The following GABRA3 variants were observed in gnomAD, a reference collection of about 807,000 sequenced individuals.
GABRA3 encodes the protein gamma-aminobutyric acid receptor subunit alpha-3.
A neutral mutation model predicts 30.1 loss-of-function variants in GABRA3; 10 were observed. The observed-to-expected ratio is 0.33, with a 90% confidence interval of 0.20 to 0.56. The LOEUF (loss-of-function observed/expected upper bound fraction) is 0.56, where lower values mean the gene tolerates loss of function less well. Among genes scored for constraint, GABRA3 ranks in the 20% least tolerant of loss-of-function variants. The probability of loss-of-function intolerance (pLI) is 0.89; values close to 1 mark genes in which losing one functional copy is unlikely to be tolerated. For synonymous variants in GABRA3, 151 were observed against 146.8 expected, an observed-to-expected ratio of 1.03 and a Z score of -0.21; for missense variants, 233 against 392.0, an observed-to-expected ratio of 0.59 and a Z score of 3.42.
intron 4 of GABRA3, among the ~76,000 whole-genome samples, chrX:152,276,651 C>G (rs1483072477): frequency 1.8e-5 from 2 of 111,499 alleles, no homozygotes; most frequent in Admixed American, 9.6e-5. Context: ...AATGTATGAC[C>G]ACATATTCAT....
intron 1 of GABRA3, among the ~76,000 whole-genome samples, chrX:152,435,451 T>C (rs963282304): frequency 9.0e-6 from 1 of 110,698 alleles, no homozygotes; most frequent in East Asian, 2.9e-4. Context: ...TGCAGGGACA[T>C]GGATGAAGCT....
At chrX:152,327,891 C>CA (rs1940091121) in intron 3 of GABRA3, among the ~76,000 whole-genome samples, 1 of 110,944 alleles carries the variant, frequency 9.0e-6, no homozygotes, top group Non-Finnish European at 1.9e-5. Flanking sequence ...AAAAACACTT[C>CA]AAAAAATCAA....
intron 4 of GABRA3, among the ~76,000 whole-genome samples, chrX:152,278,937 G>A (rs1194186496): frequency 1.8e-5 from 2 of 111,463 alleles, no homozygotes; most frequent in African/African-American, 6.5e-5. Flanking sequence ...CATATCCTTC[G>A]CCCACTTGTT....
chrX:152,333,653 C>T (rs1474335635), intron 3 of GABRA3, among the ~76,000 whole-genome samples: 3 of 111,383 alleles, frequency 2.7e-5, no homozygotes, highest in Non-Finnish European at 5.7e-5. Context: ...TATTGAAGAA[C>T]AAATTCTCAA....
At chrX:152,249,554 C>T (rs1191014869) in intron 5 of GABRA3, among the ~76,000 whole-genome samples, 4 of 110,833 alleles carry the variant, frequency 3.6e-5, no homozygotes, top group African/African-American at 1.3e-4. Context: ...CTCTAATCTG[C>T]CTCCTACACT....
At chrX:152,210,850 G>T (rs1197260968) in intron 6 of GABRA3, among the ~76,000 whole-genome samples, 2 of 110,933 alleles carry the variant, frequency 1.8e-5, no homozygotes, top group Non-Finnish European at 3.8e-5. Flanking sequence ...AGCTTGATTT[G>T]TGGACCTTTA....
intron 5 of GABRA3, among the ~76,000 whole-genome samples, chrX:152,250,197 C>T (rs935541444): frequency 6.3e-5 from 7 of 111,071 alleles, no homozygotes; most frequent in South Asian, 3.8e-4. Context: ...ACTTCTCCTG[C>T]GATTCTATCA....
chrX:152,238,124 T>C (rs1393215061), intron 5 of GABRA3, among the ~76,000 whole-genome samples: 33 of 107,406 alleles, frequency 3.1e-4, no homozygotes, highest in Non-Finnish European at 3.8e-5. Context: ...ATATTGGCTG[T>C]GGGTTTGTCA....
chrX:152,294,059 A>G (rs1443652251), intron 3 of GABRA3, among the ~76,000 whole-genome samples: 1 of 110,420 alleles, frequency 9.1e-6, no homozygotes, highest in African/African-American at 3.3e-5. Flanking sequence ...TGCCCTTAAC[A>G]TTTTTCCTTC....
In GABRA3 at chrX:152,315,978, C is replaced by A. The variant is rs1409180543; in HGVS notation, c.262+29603G>T. 4.7e-5 allele frequency among the ~76,000 whole-genome samples: 4 copies of A among 85,156 alleles called. 1 individual carries two copies. Among genetic ancestry groups the A allele is most frequent in the Non-Finnish European group, 9.3e-5 (4 of 42,806 alleles). The allele number at this position is 85,156 out of a possible 115,157, so 73.9% of individuals were successfully genotyped here. On this transcript the variant is annotated intron_variant, in intron 3 of 9. Transcript: ENST00000370314. ...TTTTAGGCCCGCCCCCCGACCCCCC[C>A]CCCCCCCACCACATGATCCTCTCCT...
In GABRA3 at chrX:152,231,309, G is replaced by GTA. The variant is rs1938074212; in HGVS notation, c.552-6466_552-6465dup. 2.8e-5 allele frequency among the ~76,000 whole-genome samples: 3 copies of GTA among 107,821 alleles called. No individual in the cohort carries two copies. In the Admixed American group the frequency reaches 3.0e-4, roughly 11 times the overall value. 93.6% of individuals were successfully genotyped at this position (107,821 alleles called of 115,157 possible). On this transcript the variant is annotated intron_variant, in intron 5 of 9. Coordinates refer to ENST00000370314, the MANE Select transcript of GABRA3 (RefSeq NM_000808.4). ...CATATACGTGTATATATACGTGTGTGTACACGTGTGTGTGTACACGTGTGT... is the reference window on the plus strand; with the variant it reads ...CATATACGTGTATATATACGTGTGTGTATACACGTGTGTGTGTACACGTGTGT...
intron 9 of GABRA3, among the ~76,000 whole-genome samples, chrX:152,181,816 T>C (rs138483481): frequency 0.077 from 7,631 of 98,479 alleles, 603 homozygotes; most frequent in African/African-American, 0.24. Context: ...AAATTTAAAG[T>C]ATAATAATAA....
At chrX:152,372,650 T>C (rs1928872203) in intron 1 of GABRA3, among the ~76,000 whole-genome samples, 1 of 111,838 alleles carries the variant, frequency 8.9e-6, no homozygotes, top group African/African-American at 3.3e-5. Flanking sequence ...GAGTTCATGC[T>C]CACACAACTC....
chrX:152,355,244 T>C (rs1940532245), intron 2 of GABRA3, among the ~76,000 whole-genome samples: 1 of 111,490 alleles, frequency 9.0e-6, no homozygotes, highest in Non-Finnish European at 1.9e-5. Context: ...CCCTACTCTA[T>C]TAGTAGTGTG....
At chrX:152,278,208 A>G (rs1048434607) in intron 4 of GABRA3, among the ~76,000 whole-genome samples, 6 of 110,087 alleles carry the variant, frequency 5.5e-5, no homozygotes, top group African/African-American at 2.0e-4. Context: ...TGCTGCAACC[A>G]CTAACTTGTC....
At chrX:152,264,653 A>G (rs756507175) in intron 4 of GABRA3, among the ~76,000 whole-genome samples, 2 of 111,531 alleles carry the variant, frequency 1.8e-5, no homozygotes, top group African/African-American at 6.5e-5. Flanking sequence ...TACTACTAAT[A>G]ATGCTGAATG....
chrX:152,425,265 T>C (rs1162344908), intron 1 of GABRA3, among the ~76,000 whole-genome samples: 1 of 110,849 alleles, frequency 9.0e-6, no homozygotes, highest in Non-Finnish European at 1.9e-5. Context: ...ATATCACACT[T>C]GTATATAACC....
intron 1 of GABRA3, among the ~76,000 whole-genome samples, chrX:152,382,131 C>T (rs769754954): frequency 1.8e-5 from 2 of 112,153 alleles, no homozygotes; most frequent in Non-Finnish European, 3.8e-5. Context: ...TATTAACAGA[C>T]ACTTCTCAAA....
chrX:152,335,865 G>A (rs1940227098), intron 3 of GABRA3, among the ~76,000 whole-genome samples: 1 of 110,534 alleles, frequency 9.0e-6, no homozygotes, highest in African/African-American at 3.3e-5. Context: ...GACTACAGTT[G>A]CATGCTACCA....
Sources: allele counts gnomAD v4.1 joint callset (sites outside exome capture counted in the v4.1 genomes callset), GRCh38; gene constraint gnomAD v4.1.1; transcripts MANE v1.5; gene names NCBI Gene and HGNC (gene_info 2026-07-23, HGNC 2026-07-21).